Variants in SPA17 observed in about 807,000 individuals in gnomAD.
SPA17 encodes the protein sperm surface protein Sp17.
In SPA17, 7 loss-of-function variants were observed where a neutral mutation model predicts 13.8. The observed-to-expected ratio is 0.51, with a 90% CI of 0.29 to 0.95. SPA17 has a LOEUF of 0.95. Among genes scored for constraint, SPA17 ranks in the 40% least tolerant of loss-of-function variants. The pLI is 0.08. For missense variants in SPA17, 170 were observed against 179.3 expected (o/e 0.95, Z 0.30); for synonymous variants, 61 against 59.0 (o/e 1.03, Z -0.16).
chr11:124,689,870 T>G (rs1006114675), intron 3 of SPA17, among the ~76,000 whole-genome samples: 1 of 152,076 alleles, frequency 6.6e-6, no homozygotes. Flanking sequence ...ATGCTCAATA[T>G]CACTAATCAT....
chr11:124,678,009 T>C (rs1943488608), intron 2 of SPA17, among the ~76,000 whole-genome samples: 2 of 152,354 alleles, frequency 1.3e-5, no homozygotes, highest in Middle Eastern at 3.4e-3. Flanking sequence ...AGCATTTATA[T>C]ACATTGCTGG....
intron 2 of SPA17, among the ~76,000 whole-genome samples, chr11:124,680,805 T>G (rs985981277): frequency 8.6e-5 from 13 of 152,038 alleles, no homozygotes; most frequent in East Asian, 3.9e-4. Context: ...AGGTTATAAA[T>G]AAAATAAATC....
intron 3 of SPA17, among the ~76,000 whole-genome samples, chr11:124,684,010 A>C (rs1386741315): frequency 6.6e-6 from 1 of 152,066 alleles, no homozygotes; most frequent in African/African-American, 2.4e-5. Context: ...CATAATCCCC[A>C]CATGTTGTGG....
chr11:124,692,691 A>G (rs1943633870), intron 4 of SPA17, among the ~76,000 whole-genome samples: 1 of 152,220 alleles, frequency 6.6e-6, no homozygotes, highest in Admixed American at 6.5e-5. Context: ...GACCATGGCA[A>G]ACACTGCAAA....
intron 3 of SPA17, among the ~76,000 whole-genome samples, chr11:124,683,761 T>A (rs1358108419): frequency 6.6e-6 from 1 of 151,912 alleles, no homozygotes; most frequent in Non-Finnish European, 1.5e-5. Context: ...GATAAAGGGA[T>A]CAATTCAGTA....
chr11:124,694,570 G>A lies in SPA17; in HGVS notation c.*124G>A, dbSNP rs992443821. 30 of 1,304,414 alleles carry A rather than the reference G, an allele frequency of 2.3e-5. No homozygotes were observed. The highest frequency in any genetic ancestry group is 3.0e-5 in the African/African-American group (2 of 67,336). The allele number at this position is 1,304,414 out of a possible 1,614,324, so 80.8% of individuals were successfully genotyped here. On this transcript the variant is annotated 3_prime_UTR_variant, in exon 5 of 5. Transcript: ENST00000227135. ...GTGAAATAACATTCGTTACTGTTGT[G>A]AAAATCTGTCATGAGCATTTGTTTA...
intron 3 of SPA17, among the ~76,000 whole-genome samples, chr11:124,687,490 C>T (rs77177747): frequency 0.057 from 8,717 of 152,052 alleles, 590 homozygotes; most frequent in African/African-American, 0.16. Flanking sequence ...GAGACAAGGA[C>T]CCAACAAAAA....
intron 3 of SPA17, among the ~76,000 whole-genome samples, chr11:124,684,689 A>G (rs966519064): frequency 6.6e-6 from 1 of 152,230 alleles, no homozygotes; most frequent in African/African-American, 2.4e-5. Context: ...AAGATGTTGG[A>G]AAATCTGGAA....
chr11:124,687,393 A>C (rs1312990042), intron 3 of SPA17, among the ~76,000 whole-genome samples: 4 of 152,166 alleles, frequency 2.6e-5, no homozygotes, highest in Non-Finnish European at 5.9e-5. Context: ...GCTAATACCA[A>C]GCCTCCTGAA....
At position 124,675,256 on chromosome 11, in the gene SPA17, AC is replaced by A. The variant is rs1184518072; in HGVS notation, c.-7del. On this transcript the variant is annotated 5_prime_UTR_variant, in exon 2 of 5. Transcript: ENST00000227135. Reference sequence around the variant, plus strand: ...TCTTTAGGTTCCATAGGCAGTTCTTACCAAGAAGATGTCGATTCCATTCTCC... The same window carrying A: ...TCTTTAGGTTCCATAGGCAGTTCTTACAAGAAGATGTCGATTCCATTCTCC... 2 of 1,610,910 alleles carry A rather than the reference AC, an allele frequency of 1.2e-6. No homozygotes were observed. The highest frequency in any genetic ancestry group is 1.7e-5 in the Admixed American group (1 of 59,222).
intron 2 of SPA17, 166 bp downstream of exon 2, chr11:124,675,584 T>G: frequency 1.6e-6 from 1 of 629,006 alleles, no homozygotes; most frequent in South Asian, 2.4e-5. Context: ...TTTGATATGT[T>G]CTCTTAAATT....
chr11:124,688,422 C>G (rs1419489767), intron 3 of SPA17, among the ~76,000 whole-genome samples: 2 of 152,170 alleles, frequency 1.3e-5, no homozygotes, highest in African/African-American at 4.8e-5. Context: ...GCACAAAAAT[C>G]AGTAGCATTT....
intron 3 of SPA17, among the ~76,000 whole-genome samples, chr11:124,682,544 T>C (rs1246969677): frequency 2.0e-5 from 3 of 152,172 alleles, no homozygotes; most frequent in Non-Finnish European, 4.4e-5. Flanking sequence ...TAGATTTTTA[T>C]TTTTAAAAAA....
intron 2 of SPA17, among the ~76,000 whole-genome samples, chr11:124,677,782 CAG>C (rs144508033): frequency 0.022 from 3,356 of 152,280 alleles, 139 homozygotes; most frequent in African/African-American, 0.075. Context: ...TTTGTAAAAA[CAG>C]TGTGTTATAG....
chr11:124,691,641 A>G, intron 3 of SPA17, 55 bp from the exon 4 acceptor site: 6 of 1,211,112 alleles, frequency 5.0e-6, no homozygotes, highest in African/African-American at 1.5e-5. Context: ...AGTTTGATAC[A>G]AGACTTTGCC....
intron 2 of SPA17, chr11:124,675,848 A>G (rs1239178124): frequency 1.9e-5 from 3 of 156,908 alleles, no homozygotes; most frequent in Non-Finnish European, 2.8e-5. Flanking sequence ...TCCATTTGAA[A>G]GTATTTTAAG....
At chr11:124,679,282 G>A (rs965363088) in intron 2 of SPA17, among the ~76,000 whole-genome samples, 2 of 151,486 alleles carry the variant, frequency 1.3e-5, no homozygotes, top group African/African-American at 4.9e-5. Context: ...CATGCCTAGT[G>A]CATATATCCT....
rs756279298 is a variant in SPA17 at position 124,691,800 on chromosome 11, T to C, written c.312+18T>C. Reference sequence around the variant, plus strand: ...CCATCTTAGTATGTAATATTTTTCATGTACTATTGGATTCCTACAAAGAAT... The same window carrying C: ...CCATCTTAGTATGTAATATTTTTCACGTACTATTGGATTCCTACAAAGAAT... On this transcript the variant is annotated intron_variant, in intron 4 of 4. Transcript: ENST00000227135. 2 of 1,532,832 alleles carry C rather than the reference T, an allele frequency of 1.3e-6. No individual in the cohort carries two copies. Among genetic ancestry groups the C allele is most frequent in the South Asian group, 1.1e-5 (1 of 87,196 alleles). The allele number at this position is 1,532,832 out of a possible 1,614,324, so 95.0% of individuals were successfully genotyped here.
chr11:124,673,909 G>T lies in SPA17; in HGVS notation c.-71G>T, dbSNP rs1591400349. Reference sequence around the variant, plus strand: ...AGAAAAAACGGTTACCCAGCAACTAGAAAAACAACCGGAACCGGCGGCACC... The same window carrying T: ...AGAAAAAACGGTTACCCAGCAACTATAAAAACAACCGGAACCGGCGGCACC... On this transcript the variant is annotated 5_prime_UTR_variant, in exon 1 of 5. Coordinates refer to ENST00000227135, the MANE Select transcript of SPA17 (RefSeq NM_017425.4). The T allele has an allele frequency of 4.9e-6, 3 of 606,302 alleles. No individual in the cohort carries two copies. The highest frequency in any genetic ancestry group is 4.5e-4 in the Middle Eastern group (1 of 2,212). 37.6% of individuals were successfully genotyped at this position (606,302 alleles called of 1,614,324 possible).
Sources: gnomAD v4.1 joint callset for allele counts (sites outside exome capture counted in the v4.1 genomes callset) on GRCh38, gnomAD v4.1.1 for gene constraint, MANE v1.5 for transcripts, NCBI Gene and HGNC (gene_info 2026-07-23, HGNC 2026-07-21) for gene names.